Variants in ZFY observed in about 807,000 individuals in gnomAD.
ZFY encodes the protein zinc finger Y-chromosomal protein.
For synonymous variants in ZFY, 47 were observed against 55.8 expected, an observed-to-expected ratio of 0.84 and a Z score of 0.71; for missense variants, 113 against 170.9, an observed-to-expected ratio of 0.66 and a Z score of 1.89.
Position 2,975,207 on chromosome Y carries a change from G to A in ZFY, c.747G>A (p.Val249=), listed in dbSNP as rs1240865529. 1 of 397,973 alleles carries A rather than the reference G, an allele frequency of 2.5e-6. No homozygotes were observed. The part of the protein sequence containing the change: ...VDSTCPEVIK[V]YIFKADPGED... ...GCACTTGTCCTGAAGTCATCAAGGTGTACATTTTTAAAGCTGACCCTGGAG... is the reference window on the plus strand; with the variant it reads ...GCACTTGTCCTGAAGTCATCAAGGTATACATTTTTAAAGCTGACCCTGGAG... Residue 249 remains valine (V), a synonymous_variant, in exon 4 of 8, where the codon GTG becomes GTA. Coordinates refer to ENST00000155093, the MANE Select transcript of ZFY (RefSeq NM_003411.4).
At chrY:2,965,163 G>C (rs2051323125) in intron 3 of ZFY, among the ~76,000 whole-genome samples, 2 of 20,598 alleles carry the variant, frequency 9.7e-5, no homozygotes, top group Admixed American at 9.4e-4. Context: ...TTTTGAGACA[G>C]AGTCTTGCCC....
chrY:2,940,046 A>G (rs778762242), intron 1 of ZFY, among the ~76,000 whole-genome samples: 1 of 33,683 alleles, frequency 3.0e-5, no homozygotes, highest in East Asian at 7.7e-4. Flanking sequence ...AATTTAATGC[A>G]GAGATTTATA....
chrY:2,942,638 C>T, intron 1 of ZFY, among the ~76,000 whole-genome samples: 1 of 29,588 alleles, frequency 3.4e-5, no homozygotes, highest in Admixed American at 3.2e-4. Context: ...GTTACCCAAG[C>T]TGGCCTTGAA....
At position 2,961,108 on chromosome Y, in the gene ZFY, T is replaced by A. The variant is rs1569465738; in HGVS notation, c.96T>A (p.Ile32=). The change falls in exon 3 of 8, where the codon ATT becomes ATA. Residue 32 remains isoleucine, a synonymous_variant. Coordinates refer to ENST00000155093, the MANE Select transcript of ZFY (RefSeq NM_003411.4). ...ADATHMDGDQ[I]VVEIQEAVFV... ...CTACACACATGGATGGTGATCAGAT[T>A]GTTGTGGAAATACAAGAAGCAGTTT... 2.5e-6 allele frequency: 1 copy of A among 398,821 alleles called. No homozygotes were observed. The highest frequency in any genetic ancestry group is 3.5e-6 in the Non-Finnish European group (1 of 283,352).
At chrY:2,949,036 A>G (rs371124573) in intron 1 of ZFY, among the ~76,000 whole-genome samples, 75 of 31,786 alleles carry the variant, frequency 2.4e-3, no homozygotes, top group Non-Finnish European at 3.7e-3. Context: ...TTTAGTAGAG[A>G]AAGAGTTTCA....
intron 1 of ZFY, among the ~76,000 whole-genome samples, chrY:2,935,987 G>A (rs763411024): frequency 5.8e-5 from 2 of 34,740 alleles, no homozygotes; most frequent in East Asian, 1.6e-3. Context: ...GGCGGCGGCG[G>A]CGGCAGCGCA....
intron 1 of ZFY, among the ~76,000 whole-genome samples, chrY:2,940,335 T>C: frequency 3.0e-5 from 1 of 33,553 alleles, no homozygotes; most frequent in Non-Finnish European, 7.4e-5. Context: ...CAAATCCTGC[T>C]TTATTGAAAG....
intron 3 of ZFY, among the ~76,000 whole-genome samples, chrY:2,974,165 CTATT>C (rs1314111955): frequency 1.1e-4 from 3 of 27,923 alleles, no homozygotes; most frequent in Non-Finnish European, 2.5e-4. Context: ...GAATTTACAA[CTATT>C]TATTTATTTA....
In ZFY at chrY:2,963,593, G is replaced by A. The variant is rs1603311536; in HGVS notation, c.634+1947G>A. Among the ~76,000 whole-genome samples the A allele has an allele frequency of 9.0e-5, 3 of 33,288 alleles. No homozygotes were observed. The South Asian group carries it at 2.0e-3, about 22-fold the overall frequency. 89.3% of individuals were successfully genotyped at this position (33,288 alleles called of 37,273 possible). A position where few individuals can be genotyped will look rare whatever the true frequency, so the allele number is the denominator to read the frequency against. ...TCATGTCTCATCCAAAGGGCATCTA[G>A]TTAGTTGTTTTAGCAATCTACCTGG... On this transcript the variant is annotated intron_variant, in intron 3 of 7. Coordinates refer to ENST00000155093, the MANE Select transcript of ZFY (RefSeq NM_003411.4).
intron 1 of ZFY, among the ~76,000 whole-genome samples, chrY:2,950,021 A>C (rs2051273817): frequency 3.1e-5 from 1 of 32,286 alleles, no homozygotes; most frequent in Admixed American, 2.9e-4. Flanking sequence ...CTAGGACTGA[A>C]GGCATGCACC....
rs1603311338 is a variant in ZFY at position 2,959,287 on chromosome Y, A to G, written c.62-1787A>G. Among the ~76,000 whole-genome samples, 3 of 33,869 alleles carry G rather than the reference A, an allele frequency of 8.9e-5. No individual in the cohort carries two copies. In the South Asian group the frequency reaches 2.0e-3, roughly 22 times the overall value. 90.9% of individuals were successfully genotyped at this position (33,869 alleles called of 37,273 possible). ...CCAAGCTCCCATTTTCATATGCATG[A>G]TAATAATGAAACATCTGATTACATT... On this transcript the variant is annotated intron_variant, in intron 2 of 7. Transcript: ENST00000155093.
intron 1 of ZFY, among the ~76,000 whole-genome samples, chrY:2,938,983 TTATATA>T (rs765202788): frequency 0.059 from 308 of 5,184 alleles, no homozygotes; most frequent in South Asian, 0.087. Flanking sequence ...CATACAGTGC[TTATATA>T]TATATATATA....
chrY:2,959,149 A>G, intron 2 of ZFY, among the ~76,000 whole-genome samples: 1 of 33,520 alleles, frequency 3.0e-5, no homozygotes, highest in Non-Finnish European at 7.4e-5. Flanking sequence ...TCTTGCCACA[A>G]TCAAGCCTGA....
In ZFY at chrY:2,975,524, C is replaced by T. The variant is rs2051364492; in HGVS notation, c.798C>T (p.Asp266=). The change falls in exon 5 of 8, where the codon GAC becomes GAT. Residue 266 remains aspartate (D), a synonymous_variant. Transcript: ENST00000155093. ...PGEDDLGGTV[D]IVESEPENDH... ...ATTCTCTGATAGGTGGAACTGTAGA[C>T]ATTGTGGAGAGTGAACCTGAAAATG... 2.5e-6 allele frequency: 1 copy of T among 395,846 alleles called. No homozygotes were observed. Among genetic ancestry groups the T allele is most frequent in the African/African-American group, 6.5e-5 (1 of 15,481 alleles).
chrY:2,939,322 A>G (rs2051233480), intron 1 of ZFY, among the ~76,000 whole-genome samples: 1 of 31,472 alleles, frequency 3.2e-5, no homozygotes, highest in African/African-American at 1.2e-4. Flanking sequence ...GCCCCTTCCT[A>G]TAAATATTCA....
intron 1 of ZFY, among the ~76,000 whole-genome samples, chrY:2,945,072 A>G (rs2051257978): frequency 3.1e-5 from 1 of 32,615 alleles, no homozygotes; most frequent in Non-Finnish European, 7.5e-5. Context: ...CATTTGATCT[A>G]TTGAAAGTTT....
chrY:2,950,006 T>C (rs548803281), intron 1 of ZFY, among the ~76,000 whole-genome samples: 1 of 32,798 alleles, frequency 3.0e-5, no homozygotes, highest in Admixed American at 2.8e-4. Flanking sequence ...TTCATACCAC[T>C]GTAGCTAGGA....
At chrY:2,968,668 A>C (rs2051338751) in intron 3 of ZFY, among the ~76,000 whole-genome samples, 2 of 32,505 alleles carry the variant, frequency 6.2e-5, no homozygotes, top group Non-Finnish European at 1.5e-4. Context: ...TATGATTCCT[A>C]CCTATTATTT....
At chrY:2,976,991 A>C in intron 6 of ZFY, 169 bp downstream of exon 6, 1 of 86,969 alleles carries the variant, frequency 1.1e-5, no homozygotes, top group Non-Finnish European at 2.2e-5. Flanking sequence ...CCTGGCTAAC[A>C]TGGTGAAACC....
Sources: allele counts gnomAD v4.1 joint callset (sites outside exome capture counted in the v4.1 genomes callset), GRCh38; gene constraint gnomAD v4.1.1; transcripts MANE v1.5; gene names NCBI Gene and HGNC (gene_info 2026-07-23, HGNC 2026-07-21).